The following TRDN variants were observed in gnomAD, a reference collection of about 807,000 sequenced individuals.
The protein encoded by TRDN is triadin in skeletal muscle.
In TRDN, 161 loss-of-function variants were observed where a neutral mutation model predicts 149.7. That is an observed-to-expected ratio of 1.08 (90% confidence interval 0.95 to 1.23). TRDN has a LOEUF of 1.23. Among genes scored for constraint, TRDN ranks in the 50% most tolerant of loss-of-function variants. The pLI is 0.00. For missense variants in TRDN, 896 were observed against 823.5 expected (o/e 1.09, Z -1.08); for synonymous variants, 294 against 250.5 (o/e 1.17, Z -1.64).
intron 39 of TRDN, among the ~76,000 whole-genome samples, chr6:123,222,351 T>C (rs1193682862): frequency 3.3e-5 from 5 of 151,762 alleles, no homozygotes; most frequent in Non-Finnish European, 5.9e-5. Context: ...GATTTATTTA[T>C]ATAAATGCAG....
At chr6:123,572,698 A>C (rs1923183) in intron 1 of TRDN, among the ~76,000 whole-genome samples, 51,606 of 151,916 alleles carry the variant, frequency 0.34, 8,938 homozygotes, top group East Asian at 0.46. Flanking sequence ...ATTTTTGCCA[A>C]AAGCAAAGTT....
chr6:123,256,667 T>G (rs1157797547), intron 35 of TRDN, among the ~76,000 whole-genome samples: 2 of 149,280 alleles, frequency 1.3e-5, no homozygotes, highest in Admixed American at 6.7e-5. Context: ...GGGTTGTGTG[T>G]TTTTTTTTTC....
At chr6:123,264,591 A>G (rs1039646568) in intron 33 of TRDN, among the ~76,000 whole-genome samples, 9 of 152,096 alleles carry the variant, frequency 5.9e-5, no homozygotes, top group Non-Finnish European at 1.3e-4. Flanking sequence ...CAAGTTTGAG[A>G]TGACTGACTC....
intron 2 of TRDN, among the ~76,000 whole-genome samples, chr6:123,550,165 G>A (rs1298019316): frequency 6.6e-6 from 1 of 152,034 alleles, no homozygotes; most frequent in Non-Finnish European, 1.5e-5. Context: ...CCATAACAAT[G>A]AGTGAGATCA....
intron 1 of TRDN, among the ~76,000 whole-genome samples, chr6:123,618,108 G>C (rs1014515629): frequency 6.6e-6 from 1 of 152,138 alleles, no homozygotes; most frequent in African/African-American, 2.4e-5. Context: ...CTTCCAGTGA[G>C]TAAGAGAGAG....
At position 123,414,310 on chromosome 6, in the gene TRDN, A is replaced by T. The variant is rs114271458; in HGVS notation, c.1052-20633T>A. ...CTGAAATGTCATTAAAACACAGAAT[A>T]AGTGTTACCTCATGTTTAACGAGAA... On this transcript the variant is annotated intron_variant, in intron 12 of 40. Transcript: ENST00000334268. 7.3e-3 allele frequency among the ~76,000 whole-genome samples: 1,107 copies of T among 152,230 alleles called. 14 individuals are homozygous for T. The highest frequency in any genetic ancestry group is 0.025 in the African/African-American group (1,043 of 41,566).
chr6:123,322,555 T>C (rs1006133031), intron 23 of TRDN, among the ~76,000 whole-genome samples: 3 of 151,538 alleles, frequency 2.0e-5, no homozygotes, highest in Admixed American at 2.0e-4. Flanking sequence ...GTCTGCCTTA[T>C]TGAAGGGAGC....
chr6:123,546,566 T>C (rs570097547), intron 4 of TRDN, among the ~76,000 whole-genome samples: 1 of 152,232 alleles, frequency 6.6e-6, no homozygotes, highest in Non-Finnish European at 1.5e-5. Context: ...GTTTTAAGTC[T>C]GGCTTGAATG....
rs762404582 is a variant in TRDN at position 123,464,990 on chromosome 6, A to G, written c.854-7T>C. 1.4e-5 allele frequency: 22 copies of G among 1,577,738 alleles called. No individual in the cohort carries two copies. Among genetic ancestry groups the G allele is most frequent in the Admixed American group, 1.8e-5 (1 of 54,088 alleles). ...GGAATGGCTGGGCTTTGTCCTACAC[A>G]ATGTAGAAGTAGGAATTGGAAAAAA... On this transcript the variant is annotated splice_region_variant and splice_polypyrimidine_tract_variant and intron_variant, in intron 9 of 40. Transcript: ENST00000334268.
intron 4 of TRDN, among the ~76,000 whole-genome samples, chr6:123,531,296 T>C (rs1457594903): frequency 6.6e-6 from 1 of 152,028 alleles, no homozygotes; most frequent in Non-Finnish European, 1.5e-5. Context: ...GACTTAATCT[T>C]AAATATAGTG....
intron 24 of TRDN, among the ~76,000 whole-genome samples, chr6:123,308,937 AT>A (rs1477894900): frequency 6.6e-6 from 1 of 152,078 alleles, no homozygotes; most frequent in East Asian, 1.9e-4. Flanking sequence ...TTTACTGAAC[AT>A]TAGTCATGGC....
chr6:123,584,830 T>C (rs1038586524), intron 1 of TRDN, among the ~76,000 whole-genome samples: 3 of 151,974 alleles, frequency 2.0e-5, no homozygotes, highest in African/African-American at 7.3e-5. Flanking sequence ...GATAGGAGAG[T>C]ATATGGATTT....
intron 9 of TRDN, among the ~76,000 whole-genome samples, chr6:123,467,100 A>C (rs1776866664): frequency 6.6e-6 from 1 of 152,038 alleles, no homozygotes; most frequent in African/African-American, 2.4e-5. Flanking sequence ...GAATTATTAA[A>C]CCCCAACCCT....
intron 12 of TRDN, among the ~76,000 whole-genome samples, chr6:123,425,232 G>GGTGTGTGT (rs60065532): frequency 9.1e-4 from 126 of 138,826 alleles, no homozygotes; most frequent in African/African-American, 3.1e-3. Context: ...CAGAGGTAGA[G>GGTGTGTGT]GTGTGTGTGT....
chr6:123,566,990 C>T (rs1439623862), intron 2 of TRDN, among the ~76,000 whole-genome samples: 10 of 152,152 alleles, frequency 6.6e-5, no homozygotes, highest in Admixed American at 6.5e-4. Context: ...GATTAGATTA[C>T]TTAAAATAAG....
At chr6:123,503,422 T>C in intron 8 of TRDN, 1 of 985,338 alleles carries the variant, frequency 1.0e-6, no homozygotes, top group Non-Finnish European at 1.2e-6. Context: ...AGACATTCCA[T>C]ATCTCAAAAA....
chr6:123,538,327 G>A (rs1780651958), intron 4 of TRDN, among the ~76,000 whole-genome samples: 1 of 152,086 alleles, frequency 6.6e-6, no homozygotes, highest in African/African-American at 2.4e-5. Flanking sequence ...AGATGAACAA[G>A]CAAATCTTGT....
chr6:123,572,925 C>A (rs1278201355), intron 1 of TRDN, among the ~76,000 whole-genome samples: 2 of 151,994 alleles, frequency 1.3e-5, no homozygotes, highest in Non-Finnish European at 2.9e-5. Flanking sequence ...GTCAGTTTTA[C>A]CCAACTGGAA....
chr6:123,450,945 GA>G (rs1775731995), intron 10 of TRDN, among the ~76,000 whole-genome samples: 1 of 152,060 alleles, frequency 6.6e-6, no homozygotes, highest in African/African-American at 2.4e-5. Flanking sequence ...ACTGCAAAAG[GA>G]ATCTTCAAAA....
Sources: gnomAD v4.1 joint callset for allele counts (sites outside exome capture counted in the v4.1 genomes callset) on GRCh38, gnomAD v4.1.1 for gene constraint, MANE v1.5 for transcripts, NCBI Gene and HGNC (gene_info 2026-07-23, HGNC 2026-07-21) for gene names.